The following PTPRD variants were observed in gnomAD, a reference collection of about 807,000 sequenced individuals.
PTPRD encodes the protein receptor-type tyrosine-protein phosphatase delta.
A neutral mutation model predicts 214.5 loss-of-function variants in PTPRD; 34 were observed. The observed-to-expected ratio is 0.16, with a 90% CI of 0.12 to 0.21. The LOEUF is 0.21. Ranked by LOEUF, PTPRD falls within the 10% of genes least tolerant of loss-of-function variation. PTPRD has a pLI of 1.00. For synonymous variants in PTPRD, 1,128 were observed against 845.7 expected (o/e 1.33, Z -5.79); for missense variants, 2,545 against 2,398.7 (o/e 1.06, Z -1.27).
At chr9:9,086,704 T>TG (rs2099767532) in intron 10 of PTPRD, among the ~76,000 whole-genome samples, 1 of 152,174 alleles carries the variant, frequency 6.6e-6, no homozygotes, top group African/African-American at 2.4e-5. Flanking sequence ...TGACTAACAA[T>TG]GGACATCTAT....
At chr9:10,504,467 C>A (rs967315299) in intron 2 of PTPRD, among the ~76,000 whole-genome samples, 1 of 152,042 alleles carries the variant, frequency 6.6e-6, no homozygotes, top group Non-Finnish European at 1.5e-5. Context: ...GTATTATTGC[C>A]TCAGAAACGA....
chr9:10,253,569 A>G (rs1462036478), intron 3 of PTPRD, among the ~76,000 whole-genome samples: 1 of 152,220 alleles, frequency 6.6e-6, no homozygotes, highest in Non-Finnish European at 1.5e-5. Context: ...CAAGATGCTA[A>G]TTATAATTGA....
chr9:10,528,984 G>A (rs2055220630), intron 2 of PTPRD, among the ~76,000 whole-genome samples: 1 of 152,138 alleles, frequency 6.6e-6, no homozygotes, highest in African/African-American at 2.4e-5. Flanking sequence ...AAAAATAGAT[G>A]TGCCGGAAAA....
At chr9:9,013,751 TG>T (rs1427808854) in intron 11 of PTPRD, among the ~76,000 whole-genome samples, 1 of 152,160 alleles carries the variant, frequency 6.6e-6, no homozygotes, top group Non-Finnish European at 1.5e-5. Flanking sequence ...ATAACAGGTA[TG>T]GGGATGTACC....
At chr9:10,224,702 A>G (rs1053616672) in intron 3 of PTPRD, among the ~76,000 whole-genome samples, 1 of 152,034 alleles carries the variant, frequency 6.6e-6, no homozygotes, top group Non-Finnish European at 1.5e-5. Flanking sequence ...GTCCACTGAC[A>G]CACACATTTT....
At chr9:8,804,872 A>G (rs1373757232) in intron 11 of PTPRD, among the ~76,000 whole-genome samples, 2 of 152,172 alleles carry the variant, frequency 1.3e-5, no homozygotes, top group South Asian at 2.1e-4. Context: ...TGTGTTGACT[A>G]ATGTGATGTT....
intron 2 of PTPRD, among the ~76,000 whole-genome samples, chr9:10,543,679 T>C (rs899750384): frequency 2.6e-5 from 4 of 152,216 alleles, no homozygotes; most frequent in Admixed American, 1.3e-4. Context: ...ATTTGAACTA[T>C]AGTAAACTCT....
At chr9:10,104,192 T>C (rs995874991) in intron 3 of PTPRD, among the ~76,000 whole-genome samples, 1 of 151,600 alleles carries the variant, frequency 6.6e-6, no homozygotes, top group Non-Finnish European at 1.5e-5. Context: ...GATTGTATAA[T>C]GGGTACAGAA....
At position 9,287,359 on chromosome 9, in the gene PTPRD, C is replaced by G. The variant is rs142951883; in HGVS notation, c.-202-103996G>C. On this transcript the variant is annotated intron_variant, in intron 9 of 45. Transcript: ENST00000381196. ...GTCACCTTTTTCTCCACAATAATTG[C>G]TGTAATATTTATTAATATAATCAGT... Among the ~76,000 whole-genome samples the G allele has an allele frequency of 3.3e-5, 5 of 151,924 alleles. No individual in the cohort carries two copies. The East Asian group carries it at 9.8e-4, about 30-fold the overall frequency.
chr9:8,428,375 A>G lies in PTPRD; in HGVS notation c.4086+8217T>C, dbSNP rs370163255. Among the ~76,000 whole-genome samples, 30 of 152,324 alleles carry G rather than the reference A, an allele frequency of 2.0e-4. No individual in the cohort carries two copies. In the East Asian group the frequency reaches 4.2e-3, roughly 22 times the overall value. ...CCTCAATTTCATCCATCCCAGGTAC[A>G]AAAATGTTGTTACTGCTTTTTATTT... is the stretch of plus-strand genomic sequence containing the variant. On this transcript the variant is annotated intron_variant, in intron 35 of 45. Transcript: ENST00000381196.
At chr9:9,534,186 C>A (rs2076059472) in intron 8 of PTPRD, among the ~76,000 whole-genome samples, 1 of 152,066 alleles carries the variant, frequency 6.6e-6, no homozygotes, top group African/African-American at 2.4e-5. Context: ...ATCATTCTGA[C>A]AGCTATAACT....
intron 11 of PTPRD, among the ~76,000 whole-genome samples, chr9:8,919,837 T>C (rs946666589): frequency 2.0e-5 from 3 of 151,752 alleles, no homozygotes; most frequent in Non-Finnish European, 2.9e-5. Flanking sequence ...CATGCATACA[T>C]ACGTGCATGT....
chr9:9,264,513 A>G (rs1006004226), intron 9 of PTPRD, among the ~76,000 whole-genome samples: 1 of 151,576 alleles, frequency 6.6e-6, no homozygotes, highest in Admixed American at 6.6e-5. Flanking sequence ...AACAGAAAAT[A>G]AAGAAAGCCT....
intron 10 of PTPRD, among the ~76,000 whole-genome samples, chr9:9,149,900 T>A (rs1381117710): frequency 1.3e-5 from 2 of 152,160 alleles, no homozygotes; most frequent in African/African-American, 2.4e-5. Context: ...GTCTTTCCAT[T>A]TAAGTACCTG....
intron 9 of PTPRD, among the ~76,000 whole-genome samples, chr9:9,218,244 T>G (rs1806498626): frequency 6.6e-6 from 1 of 152,180 alleles, no homozygotes; most frequent in Admixed American, 6.5e-5. Flanking sequence ...CAATTTTTTC[T>G]CTTTATATTT....
intron 8 of PTPRD, among the ~76,000 whole-genome samples, chr9:9,403,608 A>C (rs1383353678): frequency 2.0e-5 from 3 of 152,150 alleles, no homozygotes; most frequent in Non-Finnish European, 1.5e-5. Flanking sequence ...GTGAATAAAC[A>C]GTGGTGTAAT....
intron 9 of PTPRD, among the ~76,000 whole-genome samples, chr9:9,347,113 G>A (rs984952379): frequency 2.6e-5 from 4 of 152,148 alleles, no homozygotes; most frequent in African/African-American, 7.2e-5. Flanking sequence ...GCTGCCGTAA[G>A]CTGTGGTCTT....
chr9:9,722,729 A>T (rs2097982848), intron 7 of PTPRD, among the ~76,000 whole-genome samples: 1 of 151,982 alleles, frequency 6.6e-6, no homozygotes, highest in South Asian at 2.1e-4. Context: ...GACAACACTT[A>T]ATATCTGACT....
chr9:10,505,801 T>C (rs1308057756), intron 2 of PTPRD, among the ~76,000 whole-genome samples: 45 of 152,174 alleles, frequency 3.0e-4, no homozygotes. Flanking sequence ...ACATCTAGCA[T>C]AGAAGCCAAC....
Sources: allele counts gnomAD v4.1 joint callset (sites outside exome capture counted in the v4.1 genomes callset), GRCh38; gene constraint gnomAD v4.1.1; transcripts MANE v1.5; gene names NCBI Gene and HGNC (gene_info 2026-07-23, HGNC 2026-07-21).